The following FRMD4A variants were observed in gnomAD, a reference collection of about 807,000 sequenced individuals.
FRMD4A encodes FERM domain containing 4A.
FRMD4A carries 29 observed loss-of-function variants against 129.1 expected under a neutral mutation model. That is an observed-to-expected ratio of 0.22 (90% confidence interval 0.17 to 0.31). The LOEUF is 0.31. Ranked by LOEUF, FRMD4A falls within the 10% of genes least tolerant of loss-of-function variation. FRMD4A has a pLI of 1.00. For synonymous variants in FRMD4A, 634 were observed against 571.6 expected (o/e 1.11, Z -1.56); for missense variants, 1,272 against 1,375.8 (o/e 0.92, Z 1.19).
chr10:13,989,301 G>A (rs928311803), intron 2 of FRMD4A, among the ~76,000 whole-genome samples: 81 of 152,262 alleles, frequency 5.3e-4, no homozygotes, highest in African/African-American at 1.7e-3. Context: ...TCTGAACAAA[G>A]AAGCCCTGGC....
intron 15 of FRMD4A, among the ~76,000 whole-genome samples, chr10:13,683,584 G>A (rs532691203): frequency 3.9e-5 from 6 of 152,110 alleles, no homozygotes; most frequent in African/African-American, 1.2e-4. Flanking sequence ...GTAACAGAGT[G>A]AGACCCTGTC....
intron 2 of FRMD4A, among the ~76,000 whole-genome samples, chr10:14,328,442 G>A (rs568558513): frequency 3.8e-4 from 58 of 151,312 alleles, no homozygotes; most frequent in African/African-American, 1.3e-3. Flanking sequence ...TCATGCTTAG[G>A]GGCTTGGAAT....
At chr10:14,039,403 C>CTATCTATCTATCT (rs1565204547) in intron 2 of FRMD4A, among the ~76,000 whole-genome samples, 205 of 141,402 alleles carry the variant, frequency 1.4e-3, no homozygotes, top group African/African-American at 5.7e-3. Flanking sequence ...TCCATCCATC[C>CTATCTATCTATCT]ATCCATCTAT....
chr10:13,803,507 A>ATT (rs34433221), intron 4 of FRMD4A, among the ~76,000 whole-genome samples: 78 of 149,642 alleles, frequency 5.2e-4, no homozygotes, highest in Middle Eastern at 3.4e-3. Flanking sequence ...AATTAAACAA[A>ATT]TTTTTTTTTT....
At chr10:13,790,852 C>T (rs781384549) in intron 5 of FRMD4A, among the ~76,000 whole-genome samples, 4 of 151,912 alleles carry the variant, frequency 2.6e-5, no homozygotes, top group African/African-American at 7.3e-5. Context: ...GGAGGCTGTG[C>T]ATCACAGAGG....
At chr10:14,137,468 T>G (rs1013760975) in intron 2 of FRMD4A, among the ~76,000 whole-genome samples, 1 of 152,222 alleles carries the variant, frequency 6.6e-6, no homozygotes, top group Non-Finnish European at 1.5e-5. Context: ...CCATTGAGAT[T>G]CCCATCCTTT....
chr10:13,790,260 G>T (rs985004854), intron 5 of FRMD4A, among the ~76,000 whole-genome samples: 1 of 152,136 alleles, frequency 6.6e-6, no homozygotes, highest in African/African-American at 2.4e-5. Context: ...CGAAAGGGGA[G>T]CACATTTGGA....
intron 4 of FRMD4A, among the ~76,000 whole-genome samples, chr10:13,799,882 T>TA (rs1218719926): frequency 1.3e-5 from 2 of 152,014 alleles, no homozygotes; most frequent in Non-Finnish European, 2.9e-5. Flanking sequence ...TAGTTATTTT[T>TA]AAAAAATATG....
At chr10:14,088,750 C>T (rs773811092) in intron 2 of FRMD4A, among the ~76,000 whole-genome samples, 1 of 141,328 alleles carries the variant, frequency 7.1e-6, no homozygotes, top group Non-Finnish European at 1.5e-5. Context: ...CACGCCACTG[C>T]ACTCCAGCCT....
At chr10:13,881,647 G>T (rs2094547326) in intron 2 of FRMD4A, among the ~76,000 whole-genome samples, 1 of 152,094 alleles carries the variant, frequency 6.6e-6, no homozygotes, top group African/African-American at 2.4e-5. Flanking sequence ...ACATTTCTGA[G>T]CACCTGCCAA....
At chr10:13,991,403 G>C (rs2095602825) in intron 2 of FRMD4A, among the ~76,000 whole-genome samples, 1 of 152,186 alleles carries the variant, frequency 6.6e-6, no homozygotes, top group Non-Finnish European at 1.5e-5. Flanking sequence ...ATTCAGGACA[G>C]TGTGCACCTG....
chr10:14,077,986 G>T (rs534925495), intron 2 of FRMD4A, among the ~76,000 whole-genome samples: 9 of 152,074 alleles, frequency 5.9e-5, no homozygotes, highest in Non-Finnish European at 1.3e-4. Flanking sequence ...GGTTTTATAA[G>T]GTAAACTCAA....
chr10:13,853,274 T>G (rs574603264), intron 3 of FRMD4A, among the ~76,000 whole-genome samples: 396 of 152,286 alleles, frequency 2.6e-3, no homozygotes, highest in African/African-American at 9.1e-3. Context: ...TGGCAGTGGC[T>G]CACGCCTGCC....
At chr10:13,652,032 TGACACAGACACA>T in intron 23 of FRMD4A, 58 bp from the exon 24 acceptor site, 1 of 902,298 alleles carries the variant, frequency 1.1e-6, no homozygotes, top group Admixed American at 1.7e-5. Flanking sequence ...AGAGAGACAC[TGACACAGACACA>T]GACACGATTA....
chr10:14,012,593 G>A (rs1272610527), intron 2 of FRMD4A, among the ~76,000 whole-genome samples: 1 of 152,206 alleles, frequency 6.6e-6, no homozygotes, highest in Non-Finnish European at 1.5e-5. Flanking sequence ...AGTCTGCCGA[G>A]CCAACGTGTA....
At chr10:13,652,296 G>C (rs1183369024) in intron 23 of FRMD4A, 1 of 376,732 alleles carries the variant, frequency 2.7e-6, no homozygotes, top group African/African-American at 2.1e-5. Flanking sequence ...TGTAGGTGGT[G>C]AAATAGGCAG....
chr10:13,796,010 C>T (rs1379889980), intron 5 of FRMD4A, among the ~76,000 whole-genome samples: 1 of 152,186 alleles, frequency 6.6e-6, no homozygotes, highest in Non-Finnish European at 1.5e-5. Context: ...TGTATCCTCC[C>T]TTGGCAGGAA....
chr10:13,910,093 C>T (rs894571632), intron 2 of FRMD4A, among the ~76,000 whole-genome samples: 2 of 152,178 alleles, frequency 1.3e-5, no homozygotes, highest in African/African-American at 4.8e-5. Context: ...TGTAATGTGA[C>T]TGTGAAGTGA....
At chr10:13,941,306 G>A (rs1273096928) in intron 2 of FRMD4A, among the ~76,000 whole-genome samples, 2 of 152,150 alleles carry the variant, frequency 1.3e-5, no homozygotes, top group African/African-American at 4.8e-5. Flanking sequence ...CTTGTCTGCT[G>A]CCATATAAGA....
Sources: gnomAD v4.1 joint callset for allele counts (sites outside exome capture counted in the v4.1 genomes callset) on GRCh38, gnomAD v4.1.1 for gene constraint, MANE v1.5 for transcripts, NCBI Gene and HGNC (gene_info 2026-07-23, HGNC 2026-07-21) for gene names.